Variants in LRRC4C observed in about 807,000 individuals in gnomAD.
LRRC4C encodes leucine-rich repeat-containing protein 4C.
LRRC4C carries 5 observed loss-of-function variants against 33.6 expected under a neutral mutation model. The observed-to-expected ratio is 0.15, with a 90% CI of 0.08 to 0.31. The LOEUF (loss-of-function observed/expected upper bound fraction) is 0.31. LRRC4C is among the 10% of genes least tolerant of loss of function. The probability of loss-of-function intolerance (pLI) is 1.00; values close to 1 mark genes in which losing one functional copy is unlikely to be tolerated. For synonymous variants in LRRC4C, 329 were observed against 302.0 expected, an observed-to-expected ratio of 1.09 and a Z score of -0.93; for missense variants, 560 against 796.7, an observed-to-expected ratio of 0.70 and a Z score of 3.58.
At chr11:41,087,849 A>C (rs1940119835) in intron 1 of LRRC4C, among the ~76,000 whole-genome samples, 1 of 152,154 alleles carries the variant, frequency 6.6e-6, no homozygotes, top group Non-Finnish European at 1.5e-5. Context: ...AAAAAGTCTT[A>C]AGTGTCTGAT....
intron 3 of LRRC4C, among the ~76,000 whole-genome samples, chr11:40,362,768 C>T (rs1236406694): frequency 3.9e-5 from 6 of 152,108 alleles, no homozygotes; most frequent in African/African-American, 1.2e-4. Context: ...CACGAACAGA[C>T]GCTTCTCAAA....
chr11:41,201,171 G>T (rs1267359593), intron 1 of LRRC4C, among the ~76,000 whole-genome samples: 1 of 152,292 alleles, frequency 6.6e-6, no homozygotes, highest in East Asian at 1.9e-4. Flanking sequence ...TGTATGGTGG[G>T]TTGAAAAGTT....
chr11:41,037,839 A>G (rs1002484901), intron 1 of LRRC4C, among the ~76,000 whole-genome samples: 1 of 152,164 alleles, frequency 6.6e-6, no homozygotes, highest in South Asian at 2.1e-4. Flanking sequence ...TGTAGGCAGC[A>G]CCCACTAAAT....
chr11:40,811,375 G>C (rs1325083362), intron 2 of LRRC4C, among the ~76,000 whole-genome samples: 1 of 152,100 alleles, frequency 6.6e-6, no homozygotes, highest in East Asian at 1.9e-4. Context: ...GCTTGTACAA[G>C]AACATAAGTA....
At chr11:40,599,459 C>T (rs1387725098) in intron 3 of LRRC4C, among the ~76,000 whole-genome samples, 1 of 152,074 alleles carries the variant, frequency 6.6e-6, no homozygotes, top group South Asian at 2.1e-4. Flanking sequence ...AGAATATGGC[C>T]TTCTTAAGAA....
chr11:40,156,084 G>A (rs1858667843), intron 5 of LRRC4C, among the ~76,000 whole-genome samples: 1 of 151,940 alleles, frequency 6.6e-6, no homozygotes, highest in Non-Finnish European at 1.5e-5. Flanking sequence ...CACATAAACA[G>A]GATTAAACAC....
At chr11:41,354,672 T>C (rs1280195399) in intron 1 of LRRC4C, among the ~76,000 whole-genome samples, 1 of 151,976 alleles carries the variant, frequency 6.6e-6, no homozygotes, top group African/African-American at 2.4e-5. Context: ...CATAGACCAA[T>C]GTAACAGGTT....
chr11:40,225,734 A>G (rs567083979), intron 5 of LRRC4C, among the ~76,000 whole-genome samples: 39 of 151,370 alleles, frequency 2.6e-4, no homozygotes, highest in Non-Finnish European at 5.4e-4. Context: ...CTCCTGCCTC[A>G]GCCTCCCAAG....
chr11:40,947,636 C>A (rs1227442529), intron 1 of LRRC4C, among the ~76,000 whole-genome samples: 1 of 152,018 alleles, frequency 6.6e-6, no homozygotes, highest in Non-Finnish European at 1.5e-5. Flanking sequence ...CACAGGTCAC[C>A]AGAACAGCTG....
rs1439970929 is a variant in LRRC4C, at chr11:40,928,783, A to T, written c.-407+4852T>A. Among the ~76,000 whole-genome samples, 6 of 152,314 alleles carry T rather than the reference A, an allele frequency of 3.9e-5. No homozygotes were observed. In the East Asian group the frequency reaches 1.2e-3, roughly 29 times the overall value. On this transcript the variant is annotated intron_variant, in intron 2 of 6. Coordinates refer to ENST00000528697, the MANE Select transcript of LRRC4C (RefSeq NM_001258419.2). ...AAAATATCATATGTGAATTAAAATTAAAACTAAAAGAAAATTGGGGTAAGT... is the reference window on the plus strand; with the variant it reads ...AAAATATCATATGTGAATTAAAATTTAAACTAAAAGAAAATTGGGGTAAGT...
intron 6 of LRRC4C, among the ~76,000 whole-genome samples, chr11:40,119,646 C>T (rs549505446): frequency 6.6e-6 from 1 of 152,284 alleles, no homozygotes; most frequent in South Asian, 2.1e-4. Context: ...TATGTAGTCA[C>T]ATGTTCTTAT....
intron 3 of LRRC4C, among the ~76,000 whole-genome samples, chr11:40,487,099 A>G (rs1005909417): frequency 6.6e-6 from 1 of 152,078 alleles, no homozygotes; most frequent in African/African-American, 2.4e-5. Flanking sequence ...TTGGACTACG[A>G]ACTTGATGGC....
At chr11:40,273,572 C>T (rs1016330986) in intron 4 of LRRC4C, among the ~76,000 whole-genome samples, 3 of 152,076 alleles carry the variant, frequency 2.0e-5, no homozygotes, top group Admixed American at 6.6e-5. Flanking sequence ...GGCCTCTTTA[C>T]GATGGATGTT....
intron 1 of LRRC4C, among the ~76,000 whole-genome samples, chr11:41,402,197 T>C (rs1305987212): frequency 2.0e-5 from 3 of 152,042 alleles, no homozygotes; most frequent in Non-Finnish European, 4.4e-5. Flanking sequence ...CATCTCATTA[T>C]TTATCCATGG....
At chr11:40,789,869 C>T (rs1282695110) in intron 2 of LRRC4C, among the ~76,000 whole-genome samples, 1 of 152,046 alleles carries the variant, frequency 6.6e-6, no homozygotes, top group Non-Finnish European at 1.5e-5. Context: ...CACACGAGGC[C>T]ATATTAGCAC....
chr11:40,492,810 T>G (rs1022206741), intron 3 of LRRC4C, among the ~76,000 whole-genome samples: 2 of 152,148 alleles, frequency 1.3e-5, no homozygotes, highest in African/African-American at 4.8e-5. Flanking sequence ...TATATACAGA[T>G]ATCTGCAGTT....
At chr11:40,447,021 C>T (rs11035849) in intron 3 of LRRC4C, 56,893 of 155,200 alleles carry the variant, frequency 0.37, 11,166 homozygotes, top group East Asian at 0.52. Context: ...TGCCTCAGGT[C>T]TCACCATGCA....
rs138255390 is a variant in LRRC4C, at chr11:41,215,673, T to C, written c.-496+243758A>G. Among the ~76,000 whole-genome samples, 360 of 152,222 alleles carry C rather than the reference T, an allele frequency of 2.4e-3. 4 individuals are homozygous for C. Among genetic ancestry groups the C allele is most frequent in the South Asian group, 0.011 (55 of 4,816 alleles). Reference sequence around the variant, plus strand: ...CTCTGGCTTCTTTCACTGAGTATAATATTTTTACATTTGATCCATGCTATA... The same window carrying C: ...CTCTGGCTTCTTTCACTGAGTATAACATTTTTACATTTGATCCATGCTATA... On this transcript the variant is annotated intron_variant, in intron 1 of 6. Transcript: ENST00000528697.
intron 1 of LRRC4C, among the ~76,000 whole-genome samples, chr11:40,953,233 A>C (rs541494077): frequency 6.6e-6 from 1 of 152,092 alleles, no homozygotes; most frequent in South Asian, 2.1e-4. Flanking sequence ...TAAGGGAGTT[A>C]TACAAAAAAA....
Sources: gnomAD v4.1 joint callset for allele counts (sites outside exome capture counted in the v4.1 genomes callset) on GRCh38, gnomAD v4.1.1 for gene constraint, MANE v1.5 for transcripts, NCBI Gene and HGNC (gene_info 2026-07-23, HGNC 2026-07-21) for gene names.